Variants in RTKN2 observed in about 807,000 individuals in gnomAD.
The protein encoded by RTKN2 is rhotekin-2.
Under a neutral mutation model 71.5 loss-of-function variants are expected in RTKN2, and 69 were observed. The ratio of observed to expected loss-of-function variants is 0.96; its 90% CI spans 0.79 to 1.18. The LOEUF (loss-of-function observed/expected upper bound fraction) is 1.18, where lower values mean the gene tolerates loss of function less well. Ranked by LOEUF, RTKN2 falls within the 50% of genes most tolerant of loss-of-function variation. The probability of loss-of-function intolerance (pLI) is 0.00; values close to 1 mark genes in which losing one functional copy is unlikely to be tolerated. For synonymous variants in RTKN2, 236 were observed against 236.5 expected, an observed-to-expected ratio of 1.00 and a Z score of 0.02; for missense variants, 724 against 719.7, an observed-to-expected ratio of 1.01 and a Z score of -0.07.
Position 62,193,225 on chromosome 10 carries a change from T to A in RTKN2, c.*4683A>T. The A allele has an allele frequency of 1.1e-6, 1 of 911,334 alleles. No homozygotes were observed. Among genetic ancestry groups the A allele is most frequent in the Non-Finnish European group, 1.3e-6 (1 of 762,566 alleles). 56.5% of individuals were successfully genotyped at this position (911,334 alleles called of 1,614,324 possible). On this transcript the variant is annotated 3_prime_UTR_variant, in exon 12 of 12. Coordinates refer to ENST00000373789, the MANE Select transcript of RTKN2 (RefSeq NM_145307.4). ...TTCAACAAAACAATTTATTTTGATA[T>A]CTTGAACCATCTGACATAATTATGT... is the stretch of plus-strand genomic sequence containing the variant.
intron 3 of RTKN2, 102 bp from the exon 4 acceptor site, chr10:62,241,297 A>C: frequency 1.5e-6 from 1 of 655,812 alleles, no homozygotes; most frequent in Non-Finnish European, 2.7e-6. Flanking sequence ...TGACTACTAT[A>C]GCTAAAATAA....
At chr10:62,258,618 T>C (rs1215734335) in intron 2 of RTKN2, among the ~76,000 whole-genome samples, 1 of 152,186 alleles carries the variant, frequency 6.6e-6, no homozygotes. Context: ...ATCATACTTC[T>C]TCCTTGCTTA....
chr10:62,202,249 C>T (rs1169433009), intron 10 of RTKN2, among the ~76,000 whole-genome samples: 3 of 152,142 alleles, frequency 2.0e-5, no homozygotes, highest in Admixed American at 6.5e-5. Context: ...CTTCCCTGGG[C>T]TAAACAGATC....
chr10:62,218,413 A>G (rs1358720657), intron 7 of RTKN2, 112 bp from the exon 8 acceptor site: 8 of 659,556 alleles, frequency 1.2e-5, no homozygotes, highest in African/African-American at 5.5e-5. Context: ...TTTGTACAGA[A>G]CATATTTTAG....
At chr10:62,237,646 A>C (rs952372590) in intron 5 of RTKN2, among the ~76,000 whole-genome samples, 2 of 151,704 alleles carry the variant, frequency 1.3e-5, no homozygotes, top group Non-Finnish European at 1.5e-5. Context: ...TTTAGTTTTC[A>C]TTTCTTCTTT....
At position 62,197,378 on chromosome 10, in the gene RTKN2, C is replaced by T. The variant is rs993025601; in HGVS notation, c.*530G>A. On this transcript the variant is annotated 3_prime_UTR_variant, in exon 12 of 12. Transcript: ENST00000373789. ...TATCCCAGGAATTTAAAAGGTCAGG[C>T]CTATAAACTAGTGAGTTAAACAATA... is the stretch of plus-strand genomic sequence containing the variant. The T allele has an allele frequency of 1.0e-6, 1 of 985,430 alleles. No individual in the cohort carries two copies. The highest frequency in any genetic ancestry group is 1.7e-5 in the African/African-American group (1 of 57,170). The allele number at this position is 985,430 out of a possible 1,614,324, so 61.0% of individuals were successfully genotyped here. A position where few individuals can be genotyped will look rare whatever the true frequency, so the allele number is the denominator to read the frequency against.
intron 9 of RTKN2, among the ~76,000 whole-genome samples, chr10:62,212,833 T>G (rs1371289274): frequency 1.3e-5 from 2 of 152,152 alleles, no homozygotes; most frequent in Non-Finnish European, 2.9e-5. Flanking sequence ...AAACACTGAA[T>G]AGATAAAAAC....
Position 62,268,778 on chromosome 10 carries a change from G to T in RTKN2, c.-168C>A, listed in dbSNP as rs554679992. The T allele has an allele frequency of 2.1e-5, 14 of 666,718 alleles. No homozygotes were observed. Among genetic ancestry groups the T allele is most frequent in the African/African-American group, 3.9e-5 (2 of 51,590 alleles). The allele number at this position is 666,718 out of a possible 1,614,324, so 41.3% of individuals were successfully genotyped here. On this transcript the variant is annotated 5_prime_UTR_variant, in exon 1 of 12. Coordinates refer to ENST00000373789, the MANE Select transcript of RTKN2 (RefSeq NM_145307.4). ...GGGCCGAAGCGCACGCGCAGTGGGC[G>T]CGCCTTGCGCTCTGCAGCTCCCGCC...
chr10:62,247,065 C>G (rs575205752), intron 2 of RTKN2, among the ~76,000 whole-genome samples: 1 of 151,488 alleles, frequency 6.6e-6, no homozygotes, highest in African/African-American at 2.4e-5. Flanking sequence ...TTTGTTACTT[C>G]AAATAAGTGA....
chr10:62,248,023 C>T (rs1008470813), intron 2 of RTKN2, among the ~76,000 whole-genome samples: 7 of 151,980 alleles, frequency 4.6e-5, no homozygotes, highest in Non-Finnish European at 8.8e-5. Flanking sequence ...TTCTGAAATA[C>T]TAGAACTACC....
intron 5 of RTKN2, 22 bp from the exon 6 acceptor site, chr10:62,236,285 ATGT>A: frequency 6.6e-7 from 1 of 1,504,002 alleles, no homozygotes; most frequent in Non-Finnish European, 9.1e-7. Flanking sequence ...GGCATTCATA[ATGT>A]TGGAAATTTA....
intron 8 of RTKN2, among the ~76,000 whole-genome samples, chr10:62,187,093 T>C (rs1233680062): frequency 6.6e-6 from 1 of 152,168 alleles, no homozygotes; most frequent in Non-Finnish European, 1.5e-5. Context: ...CTCCAAATTA[T>C]TCCAAAGTTT....
intron 10 of RTKN2, among the ~76,000 whole-genome samples, chr10:62,200,425 G>T (rs1409992633): frequency 2.7e-5 from 4 of 148,542 alleles, no homozygotes; most frequent in African/African-American, 9.9e-5. Flanking sequence ...AAAGACATTA[G>T]GCTAAAATCT....
intron 2 of RTKN2, among the ~76,000 whole-genome samples, chr10:62,259,482 T>G (rs1268753292): frequency 6.6e-6 from 1 of 152,214 alleles, no homozygotes; most frequent in East Asian, 1.9e-4. Context: ...GCCTTGATCT[T>G]CAGACTCAAC....
At chr10:62,201,329 G>A (rs1841437415) in intron 10 of RTKN2, among the ~76,000 whole-genome samples, 1 of 151,948 alleles carries the variant, frequency 6.6e-6, no homozygotes, top group East Asian at 1.9e-4. Flanking sequence ...ACCACCATTA[G>A]TTAAGAAACA....
chr10:62,265,569 G>A (rs1295472717), intron 1 of RTKN2, among the ~76,000 whole-genome samples: 1 of 97,388 alleles, frequency 1.0e-5, no homozygotes, highest in South Asian at 4.3e-4. Context: ...TGTATTCTGA[G>A]CTGTTGGTTT....
At position 62,193,280 on chromosome 10, in the gene RTKN2, C is replaced by A; in HGVS notation, c.*4628G>T. ...ACAAGATCTTTTCAATCTACCTCTC[C>A]TTTAGTAGTTACATTAAGAGATTAC... On this transcript the variant is annotated 3_prime_UTR_variant, in exon 12 of 12. Transcript: ENST00000373789. The A allele has an allele frequency of 4.1e-6, 4 of 971,746 alleles. No homozygotes were observed. Among genetic ancestry groups the A allele is most frequent in the Non-Finnish European group, 4.9e-6 (4 of 817,604 alleles). The allele number at this position is 971,746 out of a possible 1,614,324, so 60.2% of individuals were successfully genotyped here.
chr10:62,194,609 C>T lies in RTKN2; in HGVS notation c.*3299G>A, dbSNP rs377111310. 9.1e-6 allele frequency: 9 copies of T among 985,252 alleles called. No individual in the cohort carries two copies. The highest frequency in any genetic ancestry group is 4.7e-5 in the South Asian group (1 of 21,290). 61.0% of individuals were successfully genotyped at this position (985,252 alleles called of 1,614,324 possible). On this transcript the variant is annotated 3_prime_UTR_variant, in exon 12 of 12. Transcript: ENST00000373789. ...CCATGTAGTATAGTTGTGCCTCATTCGTGGTAACACAGGTGATTACATTCA... is the reference window on the plus strand; with the variant it reads ...CCATGTAGTATAGTTGTGCCTCATTTGTGGTAACACAGGTGATTACATTCA...
chr10:62,267,990 C>T (rs1242631958), intron 1 of RTKN2, among the ~76,000 whole-genome samples: 1 of 152,238 alleles, frequency 6.6e-6, no homozygotes, highest in Non-Finnish European at 1.5e-5. Flanking sequence ...TCCAATGTCA[C>T]GTGTACTCCC....
Sources: allele counts gnomAD v4.1 joint callset (sites outside exome capture counted in the v4.1 genomes callset), GRCh38; gene constraint gnomAD v4.1.1; transcripts MANE v1.5; gene names NCBI Gene and HGNC (gene_info 2026-07-23, HGNC 2026-07-21).